Variants in NRXN3 observed in about 807,000 individuals in gnomAD.
The protein encoded by NRXN3 is neurexin III.
In NRXN3, 32 loss-of-function variants were observed where a neutral mutation model predicts 137.6. The ratio of observed to expected loss-of-function variants is 0.23; its 90% CI spans 0.18 to 0.31. The LOEUF (loss-of-function observed/expected upper bound fraction) is 0.31, where lower values mean the gene tolerates loss of function less well. NRXN3 is among the 10% of genes least tolerant of loss of function. The probability of loss-of-function intolerance (pLI) is 1.00; values close to 1 mark genes in which losing one functional copy is unlikely to be tolerated. For synonymous variants in NRXN3, 798 were observed against 784.5 expected (o/e 1.02, Z -0.29); for missense variants, 1,574 against 2,062.5 (o/e 0.76, Z 4.59).
intron 4 of NRXN3, among the ~76,000 whole-genome samples, chr14:78,499,616 A>T (rs921237198): frequency 3.3e-5 from 5 of 152,216 alleles, no homozygotes; most frequent in African/African-American, 1.2e-4. Context: ...GGCACAGCTT[A>T]GCTGGATCCT....
chr14:78,390,108 A>C (rs1157937056), intron 4 of NRXN3, among the ~76,000 whole-genome samples: 2 of 152,180 alleles, frequency 1.3e-5, no homozygotes, highest in African/African-American at 4.8e-5. Context: ...GTAGCTTTAC[A>C]GTAAAGATTA....
chr14:79,003,364 A>G (rs148789266), intron 15 of NRXN3, among the ~76,000 whole-genome samples: 25 of 152,328 alleles, frequency 1.6e-4, no homozygotes, highest in South Asian at 4.1e-4. Context: ...CTTTGTAGAT[A>G]TTAACTTATT....
chr14:79,059,296 C>T (rs1037160491), intron 15 of NRXN3, among the ~76,000 whole-genome samples: 54 of 119,602 alleles, frequency 4.5e-4, no homozygotes, highest in Non-Finnish European at 8.2e-4. Flanking sequence ...CTCACTCTGT[C>T]GCCCAGGCTG....
chr14:79,464,822 C>G (rs1042253282), intron 15 of NRXN3, among the ~76,000 whole-genome samples: 1 of 152,156 alleles, frequency 6.6e-6, no homozygotes, highest in Non-Finnish European at 1.5e-5. Context: ...AATTGAGTCT[C>G]TGTTTCCAAA....
At chr14:78,474,096 A>T (rs1216520395) in intron 4 of NRXN3, among the ~76,000 whole-genome samples, 1 of 152,190 alleles carries the variant, frequency 6.6e-6, no homozygotes, top group African/African-American at 2.4e-5. Context: ...CTGTATGAAG[A>T]CATATTAAAC....
chr14:79,376,493 T>A (rs1367673037), intron 15 of NRXN3, among the ~76,000 whole-genome samples: 1 of 151,888 alleles, frequency 6.6e-6, no homozygotes, highest in East Asian at 1.9e-4. Flanking sequence ...CTAAGAAGCA[T>A]GGAAGAGAAA....
intron 15 of NRXN3, among the ~76,000 whole-genome samples, chr14:79,100,067 T>C (rs2050993742): frequency 6.6e-6 from 1 of 152,226 alleles, no homozygotes; most frequent in Non-Finnish European, 1.5e-5. Context: ...AGCATTGGTA[T>C]TTCCCTTAAA....
chr14:78,926,736 A>AATATATATTATATATTATATATATATT (rs1343740655), intron 10 of NRXN3, among the ~76,000 whole-genome samples: 2 of 68,656 alleles, frequency 2.9e-5, no homozygotes, highest in Non-Finnish European at 4.8e-5. Flanking sequence ...TATAATATAA[A>AATATATATTATATATTATATATATATT]ATATATATTA....
Position 79,617,305 on chromosome 14 carries a change from A to G in NRXN3, c.3445-46473A>G, listed in dbSNP as rs147988558. On this transcript the variant is annotated intron_variant, in intron 16 of 20. Coordinates refer to ENST00000335750, the MANE Select transcript of NRXN3 (RefSeq NM_001330195.2). ...AATAGTATTAATAAATTTTTACCCA[A>G]TGGCTTTTCAAAAGTGTGCATCCCC... Among the ~76,000 whole-genome samples, 128 of 151,532 alleles carry G rather than the reference A, an allele frequency of 8.4e-4. 3 individuals carry two copies. Among genetic ancestry groups the G allele is most frequent in the Middle Eastern group, 3.4e-3 (1 of 294 alleles).
chr14:79,826,000 A>ATT (rs34242066), intron 20 of NRXN3, among the ~76,000 whole-genome samples: 3,690 of 149,902 alleles, frequency 0.025, 64 homozygotes, highest in Non-Finnish European at 0.035. Flanking sequence ...TTCCTCAAAG[A>ATT]TTTTTTTTTT....
At chr14:78,279,592 G>A (rs2074117202) in intron 3 of NRXN3, 1 of 151,980 alleles carries the variant, frequency 6.6e-6, no homozygotes, top group Non-Finnish European at 1.5e-5. Context: ...TCATTTTAAT[G>A]TACAGGAAAT....
At position 78,401,058 on chromosome 14, in the gene NRXN3, G is replaced by A. The variant is rs2091999990; in HGVS notation, c.757+103198G>A. On this transcript the variant is annotated intron_variant, in intron 4 of 20. Transcript: ENST00000335750. ...GATGGTGCCTTCTTGCTAATCCTCT[G>A]GAGGTGACAAATGCTCTGTCCTCAC... Among the ~76,000 whole-genome samples the A allele has an allele frequency of 2.0e-5, 3 of 152,186 alleles. No individual in the cohort carries two copies. The South Asian group carries it at 6.2e-4, about 32-fold the overall frequency.
intron 15 of NRXN3, among the ~76,000 whole-genome samples, chr14:79,188,497 C>A (rs1261589715): frequency 3.9e-5 from 6 of 152,056 alleles, no homozygotes; most frequent in African/African-American, 1.2e-4. Context: ...AGCAACCATG[C>A]ACATGTAGTT....
chr14:78,722,339 T>C (rs528589046), intron 8 of NRXN3, among the ~76,000 whole-genome samples: 1 of 152,270 alleles, frequency 6.6e-6, no homozygotes, highest in South Asian at 2.1e-4. Context: ...ACATTGCCAC[T>C]GTGTATCTTT....
intron 16 of NRXN3, among the ~76,000 whole-genome samples, chr14:79,648,653 C>T (rs895710425): frequency 2.3e-5 from 2 of 86,798 alleles, no homozygotes; most frequent in African/African-American, 5.5e-5. Flanking sequence ...AGATTTAGTA[C>T]TGTTTGTGTA....
chr14:78,997,603 T>C (rs904120539), intron 15 of NRXN3, among the ~76,000 whole-genome samples: 1 of 152,260 alleles, frequency 6.6e-6, no homozygotes, highest in Non-Finnish European at 1.5e-5. Context: ...TATAATTTTG[T>C]TCTTTTCATT....
Position 79,263,473 on chromosome 14 carries a change from C to T in NRXN3, c.3263-203748C>T, listed in dbSNP as rs139361164. ...GTGTGTTTATCTCATTCATTAGTAA[C>T]CAGAGACAAGCAGGAACATGTTAAC... On this transcript the variant is annotated intron_variant, in intron 15 of 20. Transcript: ENST00000335750. Among the ~76,000 whole-genome samples, 580 of 152,144 alleles carry T rather than the reference C, an allele frequency of 3.8e-3. 7 individuals carry two copies. The highest frequency in any genetic ancestry group is 0.012 in the African/African-American group (515 of 41,510).
intron 15 of NRXN3, among the ~76,000 whole-genome samples, chr14:79,384,376 G>C (rs576379809): frequency 3.7e-4 from 56 of 152,176 alleles, no homozygotes; most frequent in African/African-American, 1.3e-3. Flanking sequence ...GCCTCTTGAC[G>C]TTTACTAAGA....
Position 79,157,618 on chromosome 14 carries a change from A to G in NRXN3, c.3262+169477A>G, listed in dbSNP as rs144580590. Among the ~76,000 whole-genome samples, 779 of 151,948 alleles carry G rather than the reference A, an allele frequency of 5.1e-3. 2 individuals carry two copies. Among genetic ancestry groups the G allele is most frequent in the South Asian group, 0.011 (51 of 4,830 alleles). ...CCCTGTCTAAGGGAATAGTTGCCCTATCAGCATTTGAAAGAAACACTCCTG... is the reference window on the plus strand; with the variant it reads ...CCCTGTCTAAGGGAATAGTTGCCCTGTCAGCATTTGAAAGAAACACTCCTG... On this transcript the variant is annotated intron_variant, in intron 15 of 20. Transcript: ENST00000335750.
Sources: allele counts gnomAD v4.1 joint callset (sites outside exome capture counted in the v4.1 genomes callset), GRCh38; gene constraint gnomAD v4.1.1; transcripts MANE v1.5; gene names NCBI Gene and HGNC (gene_info 2026-07-23, HGNC 2026-07-21).